The following CELF2 variants were observed in gnomAD, a reference collection of about 807,000 sequenced individuals.
CELF2 encodes the protein CUG triplet repeat RNA-binding protein 2.
A neutral mutation model predicts 62.6 loss-of-function variants in CELF2; 8 were observed. That is an observed-to-expected ratio of 0.13 (90% confidence interval 0.07 to 0.23). The LOEUF (loss-of-function observed/expected upper bound fraction) is 0.23, where lower values mean the gene tolerates loss of function less well. Among genes scored for constraint, CELF2 ranks in the 10% least tolerant of loss-of-function variants. The pLI is 1.00. For synonymous variants in CELF2, 258 were observed against 250.0 expected (o/e 1.03, Z -0.30); for missense variants, 333 against 671.0 (o/e 0.50, Z 5.56).
At chr10:11,195,328 G>T (rs2057174038) in intron 2 of CELF2, among the ~76,000 whole-genome samples, 1 of 152,226 alleles carries the variant, frequency 6.6e-6, no homozygotes, top group Non-Finnish European at 1.5e-5. Context: ...GAGGTTTAGT[G>T]TGCAGTGGGT....
intron 2 of CELF2, among the ~76,000 whole-genome samples, chr10:11,167,789 C>T (rs993530897): frequency 2.6e-5 from 4 of 152,204 alleles, no homozygotes; most frequent in Non-Finnish European, 5.9e-5. Flanking sequence ...ATCTCAGACC[C>T]TGTGTCAGGA....
At position 11,008,916 on chromosome 10, in the gene CELF2, C is replaced by T. The variant is rs980964211; in HGVS notation, c.53+3476C>T. ...TTCTGGAACAGTAATGAGCACAAGTCCATTCAGTGGCAATAATGCCTTCTT... is the reference window on the plus strand; with the variant it reads ...TTCTGGAACAGTAATGAGCACAAGTTCATTCAGTGGCAATAATGCCTTCTT... On this transcript the variant is annotated intron_variant, in intron 1 of 12. Coordinates refer to the CELF2 transcript ENST00000416382. This position sits in a 1 kb window ranked among gnomAD's most constrained non-coding sequence, Gnocchi z 4.5. Among the ~76,000 whole-genome samples the T allele has an allele frequency of 6.9e-6, 1 of 145,654 alleles. No individual in the cohort carries two copies. The highest frequency in any genetic ancestry group is 1.5e-5 in the Non-Finnish European group (1 of 67,386).
At chr10:11,147,350 G>A (rs1399816960) in intron 1 of CELF2, among the ~76,000 whole-genome samples, 2 of 152,198 alleles carry the variant, frequency 1.3e-5, no homozygotes, top group African/African-American at 4.8e-5. Context: ...CAAAACCAGT[G>A]TCTGGACAAG....
chr10:10,903,904 A>G (rs1383800939), intron 1 of CELF2, among the ~76,000 whole-genome samples: 2 of 152,198 alleles, frequency 1.3e-5, no homozygotes, highest in Admixed American at 1.3e-4. Context: ...CCTGCATAGC[A>G]TAAACGACTC....
chr10:10,852,156 A>C (rs2059420792), intron 1 of CELF2, among the ~76,000 whole-genome samples: 1 of 152,244 alleles, frequency 6.6e-6, no homozygotes, highest in Non-Finnish European at 1.5e-5. Flanking sequence ...TAGTATATCC[A>C]TAGAGCTTTA....
At chr10:11,044,072 T>G (rs2062358874) in intron 1 of CELF2, among the ~76,000 whole-genome samples, 1 of 152,226 alleles carries the variant, frequency 6.6e-6, no homozygotes, top group African/African-American at 2.4e-5. Context: ...GCGTCTTCAC[T>G]TCTTCTAAGA....
intron 1 of CELF2, among the ~76,000 whole-genome samples, chr10:10,824,909 C>A (rs970216791): frequency 1.3e-5 from 2 of 152,210 alleles, no homozygotes; most frequent in African/African-American, 4.8e-5. Context: ...AGAACATGGA[C>A]CTGGGCCACC....
At chr10:10,538,766 C>T in the CELF2 span, among the ~76,000 whole-genome samples, 2 of 152,168 alleles carry the variant, frequency 1.3e-5, no homozygotes, top group Non-Finnish European at 2.9e-5. Flanking sequence ...GAAAGGAGGC[C>T]ACCGTACTGA....
chr10:10,809,358 C>T (rs1452010455), intron 1 of CELF2, among the ~76,000 whole-genome samples: 1 of 152,166 alleles, frequency 6.6e-6, no homozygotes, highest in Non-Finnish European at 1.5e-5. Context: ...CTGTTTAAGC[C>T]ACCCAGTCTA....
At position 11,331,360 on chromosome 10, in the gene CELF2, T is replaced by C. The variant is rs1176549217; in HGVS notation, c.*2307T>C. 3 of 150,766 alleles carry C rather than the reference T, an allele frequency of 2.0e-5. No individual in the cohort carries two copies. The allele number at this position is 150,766 out of a possible 1,614,324, so 9.3% of individuals were successfully genotyped here. The stretch of plus-strand genomic sequence containing the variant: ...TCATGTGAGGGAAAAAAAAAAAACC[T>C]ATTCCAGAATAAGTTTTGTGTTGGC... On this transcript the variant is annotated 3_prime_UTR_variant, in exon 13 of 13. Coordinates refer to ENST00000633077, the MANE Select transcript of CELF2 (RefSeq NM_001326342.2).
chr10:11,104,677 G>A (rs1391801120), intron 1 of CELF2, among the ~76,000 whole-genome samples: 1 of 152,182 alleles, frequency 6.6e-6, no homozygotes, highest in Non-Finnish European at 1.5e-5. Context: ...ATGAGACCTT[G>A]TCTCCAAAAA....
At chr10:11,286,478 C>G (rs1157984917) in intron 8 of CELF2, among the ~76,000 whole-genome samples, 2 of 152,214 alleles carry the variant, frequency 1.3e-5, no homozygotes, top group Non-Finnish European at 2.9e-5. Flanking sequence ...TCATTCCTTG[C>G]AAGACCTCGC....
the CELF2 span, among the ~76,000 whole-genome samples, chr10:10,728,859 G>A: frequency 2.0e-5 from 3 of 152,086 alleles, no homozygotes; most frequent in African/African-American, 7.2e-5. Flanking sequence ...TGATTCTACC[G>A]CCTCTAAATG....
Position 10,967,847 on chromosome 10 carries a change from T to A in CELF2, c.89+47848T>A, listed in dbSNP as rs1042265930. Among the ~76,000 whole-genome samples the A allele has an allele frequency of 5.9e-5, 9 of 152,194 alleles. No individual in the cohort carries two copies. The South Asian group carries it at 1.9e-3, about 32-fold the overall frequency. ...TCCACATAGACAGATAGCCGAAGTG[T>A]CTTGGGACAAATGTAAACCTAACAG... On this transcript the variant is annotated intron_variant, in intron 2 of 13. Transcript: ENST00000636488.
the CELF2 span, among the ~76,000 whole-genome samples, chr10:10,688,078 C>A: frequency 1.3e-5 from 2 of 152,214 alleles, no homozygotes; most frequent in African/African-American, 4.8e-5. Context: ...TTAAACAATT[C>A]CCCGAGTTAC....
chr10:11,058,801 G>T (rs946746974), intron 1 of CELF2, among the ~76,000 whole-genome samples: 2 of 150,996 alleles, frequency 1.3e-5, no homozygotes, highest in Admixed American at 6.6e-5. Context: ...TTTGTTTAGA[G>T]TTAGTATGTC....
intron 1 of CELF2, among the ~76,000 whole-genome samples, chr10:10,892,710 C>A (rs1270171933): frequency 6.6e-6 from 1 of 152,218 alleles, no homozygotes; most frequent in African/African-American, 2.4e-5. Context: ...TTCCCCAGAT[C>A]TACTGCCAGG....
intron 5 of CELF2, among the ~76,000 whole-genome samples, chr10:11,265,416 T>C (rs1445504221): frequency 6.6e-6 from 1 of 152,266 alleles, no homozygotes; most frequent in African/African-American, 2.4e-5. Flanking sequence ...CTCTGATACC[T>C]AAGTTCAAAC....
chr10:10,644,260 G>C, the CELF2 span, among the ~76,000 whole-genome samples: 1 of 152,152 alleles, frequency 6.6e-6, no homozygotes, highest in Non-Finnish European at 1.5e-5. Flanking sequence ...TTTCTTGATA[G>C]GGGTCCTTGT....
Sources: allele counts gnomAD v4.1 joint callset (sites outside exome capture counted in the v4.1 genomes callset), GRCh38; gene constraint gnomAD v4.1.1; non-coding constraint Gnocchi (gnomAD v3.1); transcripts MANE v1.5; gene names NCBI Gene and HGNC (gene_info 2026-07-23, HGNC 2026-07-21).